Variants in KCNIP1 observed in about 807,000 individuals in gnomAD.
KCNIP1 encodes potassium voltage-gated channel interacting protein 1.
KCNIP1 carries 18 observed loss-of-function variants against 33.0 expected under a neutral mutation model. The observed-to-expected ratio is 0.55, with a 90% CI of 0.38 to 0.81. The LOEUF (loss-of-function observed/expected upper bound fraction) is 0.81, where lower values mean the gene tolerates loss of function less well. Among genes scored for constraint, KCNIP1 ranks in the 30% least tolerant of loss-of-function variants. The pLI, the probability that KCNIP1 is intolerant of heterozygous loss-of-function variation, is 0.00. For missense variants in KCNIP1, 238 were observed against 271.6 expected, an observed-to-expected ratio of 0.88 and a Z score of 0.87; for synonymous variants, 93 against 98.3, an observed-to-expected ratio of 0.95 and a Z score of 0.32.
chr5:170,713,133 C>G (rs1429126579), intron 1 of KCNIP1, among the ~76,000 whole-genome samples: 17 of 152,204 alleles, frequency 1.1e-4, no homozygotes, highest in Admixed American at 1.1e-3. Context: ...ACTCAGAGCC[C>G]ATTTGCAGCT....
chr5:170,397,707 A>T (rs1232927177), intron 1 of KCNIP1, among the ~76,000 whole-genome samples: 2 of 152,168 alleles, frequency 1.3e-5, no homozygotes, highest in African/African-American at 4.8e-5. Context: ...ATATTTGAAG[A>T]TATTTATTCT....
intron 1 of KCNIP1, among the ~76,000 whole-genome samples, chr5:170,426,004 C>T (rs1325283081): frequency 6.6e-6 from 1 of 152,138 alleles, no homozygotes; most frequent in Non-Finnish European, 1.5e-5. Flanking sequence ...AGGTAGTGGC[C>T]CCGGGCAGGT....
chr5:170,390,832 A>G (rs1754556319), intron 1 of KCNIP1, among the ~76,000 whole-genome samples: 2 of 151,924 alleles, frequency 1.3e-5, no homozygotes, highest in Admixed American at 6.6e-5. Context: ...TCTGGAGGTC[A>G]CCCTGAGTTT....
At chr5:170,537,806 C>T (rs1756052411) in intron 1 of KCNIP1, among the ~76,000 whole-genome samples, 1 of 152,166 alleles carries the variant, frequency 6.6e-6, no homozygotes, top group African/African-American at 2.4e-5. Context: ...TGTCCCAGGG[C>T]ACTGCCCTCT....
At chr5:170,503,765 TACAC>T (rs201750327), upstream of KCNIP1, among the ~76,000 whole-genome samples, 1 of 57,702 alleles carries the variant, frequency 1.7e-5, no homozygotes, top group South Asian at 6.0e-4. Flanking sequence ...CACACACACA[TACAC>T]ACACACAGTC....
intron 1 of KCNIP1, among the ~76,000 whole-genome samples, chr5:170,445,944 A>G (rs1352704280): frequency 3.3e-5 from 5 of 152,212 alleles, no homozygotes; most frequent in African/African-American, 1.2e-4. Context: ...CAGTATCCAG[A>G]AAGTTTGTGC....
intron 1 of KCNIP1, among the ~76,000 whole-genome samples, chr5:170,627,536 G>T (rs1178759464): frequency 3.3e-5 from 5 of 152,218 alleles, no homozygotes; most frequent in African/African-American, 1.2e-4. Context: ...AAACAACAAG[G>T]CTCCAGGGCC....
chr5:170,503,755 CACACACACAT>C (rs1271864482), upstream of KCNIP1, among the ~76,000 whole-genome samples: 127 of 122,018 alleles, frequency 1.0e-3, no homozygotes, highest in African/African-American at 2.9e-3. Flanking sequence ...CACACACACA[CACACACACAT>C]ACACACACAC....
intron 1 of KCNIP1, among the ~76,000 whole-genome samples, chr5:170,550,146 G>C (rs1484207114): frequency 6.6e-6 from 1 of 152,154 alleles, no homozygotes; most frequent in African/African-American, 2.4e-5. Context: ...CTGGGAAGTT[G>C]ACTGGGCAGT....
At chr5:170,615,190 G>C (rs1433070154) in intron 1 of KCNIP1, among the ~76,000 whole-genome samples, 2 of 152,174 alleles carry the variant, frequency 1.3e-5, no homozygotes, top group Admixed American at 6.5e-5. Flanking sequence ...ACTCCAGCCT[G>C]GGCGACAGAG....
intron 1 of KCNIP1, among the ~76,000 whole-genome samples, chr5:170,438,517 C>T (rs1464338536): frequency 6.6e-6 from 1 of 152,168 alleles, no homozygotes; most frequent in Non-Finnish European, 1.5e-5. Flanking sequence ...ACGGACCTGC[C>T]CAGCTTAAAG....
At chr5:170,674,200 G>GGAGA (rs1762042523) in intron 1 of KCNIP1, among the ~76,000 whole-genome samples, 1 of 135,670 alleles carries the variant, frequency 7.4e-6, no homozygotes, top group Non-Finnish European at 1.6e-5. Flanking sequence ...AGGGAGGGAG[G>GGAGA]GAGGGAGGGA....
chr5:170,408,857 G>A (rs1755107149), intron 1 of KCNIP1, among the ~76,000 whole-genome samples: 1 of 152,150 alleles, frequency 6.6e-6, no homozygotes, highest in African/African-American at 2.4e-5. Context: ...TTTTTGCGTG[G>A]GTATTTGAAG....
chr5:170,387,601 A>G (rs1341179951), intron 1 of KCNIP1, among the ~76,000 whole-genome samples: 9 of 152,116 alleles, frequency 5.9e-5, no homozygotes, highest in African/African-American at 2.2e-4. Flanking sequence ...CTGCATTCTA[A>G]TGGAGACATT....
intron 1 of KCNIP1, among the ~76,000 whole-genome samples, chr5:170,522,733 C>T (rs1024794215): frequency 6.6e-6 from 1 of 152,256 alleles, no homozygotes; most frequent in Non-Finnish European, 1.5e-5. Flanking sequence ...CACATCCACA[C>T]CCCACGGGTC....
chr5:170,449,689 G>C (rs1369004767), intron 1 of KCNIP1, among the ~76,000 whole-genome samples: 2 of 152,228 alleles, frequency 1.3e-5, no homozygotes, highest in Non-Finnish European at 2.9e-5. Context: ...TGCCGGCGGT[G>C]TATGTTAAAT....
intron 1 of KCNIP1, among the ~76,000 whole-genome samples, chr5:170,646,243 A>G (rs890487703): frequency 6.6e-6 from 1 of 152,214 alleles, no homozygotes. Context: ...AACTCATTCT[A>G]TGAGGCCAAT....
In KCNIP1 at chr5:170,464,624, T is replaced by C. The variant is rs114492076; in HGVS notation, c.88+110660T>C. 1.4e-3 allele frequency among the ~76,000 whole-genome samples: 218 copies of C among 152,174 alleles called. 1 individual carries two copies. Among genetic ancestry groups the C allele is most frequent in the African/African-American group, 4.9e-3 (204 of 41,516 alleles). On this transcript the variant is annotated intron_variant, in intron 1 of 7. Transcript: ENST00000377360. ...GATGCAGAGCCCAGGCTCAAAGAAA[T>C]ATGGGGAATTGCTTGAGGTCAGAGA...
intron 1 of KCNIP1, among the ~76,000 whole-genome samples, chr5:170,361,498 G>C (rs1315728084): frequency 6.6e-6 from 1 of 152,106 alleles, no homozygotes; most frequent in African/African-American, 2.4e-5. Context: ...ATTCCATTTT[G>C]TGTTCTTAGA....
Sources: allele counts gnomAD v4.1 joint callset (sites outside exome capture counted in the v4.1 genomes callset), GRCh38; gene constraint gnomAD v4.1.1; transcripts MANE v1.5; gene names NCBI Gene and HGNC (gene_info 2026-07-23, HGNC 2026-07-21).